UNC5D: variants seen among roughly 807,000 people sequenced by gnomAD.
The protein encoded by UNC5D is unc-5 netrin receptor D.
Under a neutral mutation model 105.4 loss-of-function variants are expected in UNC5D, and 39 were observed. The ratio of observed to expected loss-of-function variants is 0.37; its 90% CI spans 0.29 to 0.48. UNC5D has a LOEUF of 0.48. Ranked by LOEUF, UNC5D falls within the 20% of genes least tolerant of loss-of-function variation. The pLI is 0.98. For missense variants in UNC5D, 991 were observed against 1,202.4 expected, an observed-to-expected ratio of 0.82 and a Z score of 2.60; for synonymous variants, 452 against 450.4, an observed-to-expected ratio of 1.00 and a Z score of -0.04.
At position 35,722,325 on chromosome 8, in the gene UNC5D, C is replaced by T. The variant is rs577473098; in HGVS notation, c.1233C>T (p.Gly411=). ...ACAGACGGAGCCAGAGTGACTATGG[C>T]GTGGACGTCATTGACTCTTCTGCAT... ...TLYRRSQSDY[G]VDVIDSSALT... is the part of the protein sequence containing the mutation. Residue 411 remains glycine (G), a synonymous_variant, in exon 9 of 17, where the codon GGC becomes GGT. Coordinates refer to ENST00000404895, the MANE Select transcript of UNC5D (RefSeq NM_080872.4). The T allele has an allele frequency of 3.5e-5, 56 of 1,614,110 alleles. 1 individual carries two copies. In the South Asian group the frequency reaches 5.2e-4, roughly 15 times the overall value.
In UNC5D at chr8:35,717,176, C is replaced by T. The variant is rs557086793; in HGVS notation, c.1118-5034C>T. Among the ~76,000 whole-genome samples, 54 of 152,316 alleles carry T rather than the reference C, an allele frequency of 3.5e-4. 2 individuals are homozygous for T. The South Asian group carries it at 9.1e-3, about 26-fold the overall frequency. ...TGGGAGCAATGGCATTCTGCAATAT[C>T]CAATGGGAGATAAAACAGAATATCA... On this transcript the variant is annotated intron_variant, in intron 8 of 16. Coordinates refer to ENST00000404895, the MANE Select transcript of UNC5D (RefSeq NM_080872.4).
chr8:35,429,133 G>T (rs1463132354), intron 1 of UNC5D, among the ~76,000 whole-genome samples: 1 of 152,086 alleles, frequency 6.6e-6, no homozygotes, highest in Non-Finnish European at 1.5e-5. Flanking sequence ...TTAATTGTCA[G>T]CATGAAAATG....
At chr8:35,394,845 T>A (rs1804000066) in intron 1 of UNC5D, among the ~76,000 whole-genome samples, 1 of 152,172 alleles carries the variant, frequency 6.6e-6, no homozygotes, top group Non-Finnish European at 1.5e-5. Flanking sequence ...TCAGGTCGTG[T>A]TAGTAGTGAG....
intron 16 of UNC5D, among the ~76,000 whole-genome samples, chr8:35,790,057 T>C (rs971309696): frequency 1.3e-5 from 2 of 152,106 alleles, no homozygotes; most frequent in African/African-American, 2.4e-5. Flanking sequence ...AAGGCTGCAG[T>C]GAGCTGTGAC....
At chr8:35,368,052 G>A (rs1345029930) in intron 1 of UNC5D, among the ~76,000 whole-genome samples, 1 of 152,136 alleles carries the variant, frequency 6.6e-6, no homozygotes, top group East Asian at 1.9e-4. Context: ...AGCGCATGGT[G>A]AAGCAAAACA....
chr8:35,642,830 A>G (rs1179339922), intron 4 of UNC5D, among the ~76,000 whole-genome samples: 1 of 152,192 alleles, frequency 6.6e-6, no homozygotes, highest in Non-Finnish European at 1.5e-5. Flanking sequence ...AGCACACAGT[A>G]AGATGCAATT....
intron 4 of UNC5D, among the ~76,000 whole-genome samples, chr8:35,625,770 G>A (rs1428827582): frequency 6.6e-6 from 1 of 152,130 alleles, no homozygotes; most frequent in Non-Finnish European, 1.5e-5. Context: ...TACTTTTAAG[G>A]AACATTAGTT....
chr8:35,525,855 G>T, intron 1 of UNC5D: 1 of 1,276,158 alleles, frequency 7.8e-7, no homozygotes, highest in Non-Finnish European at 1.1e-6. Flanking sequence ...TTTAGTCATA[G>T]TAAAATCCAG....
chr8:35,275,339 C>G (rs1805702961), intron 1 of UNC5D, among the ~76,000 whole-genome samples: 2 of 151,688 alleles, frequency 1.3e-5, no homozygotes, highest in Non-Finnish European at 2.9e-5. Flanking sequence ...ATATCACCAT[C>G]TGTTATAAAT....
At position 35,770,482 on chromosome 8, in the gene UNC5D, T is replaced by C. The variant is rs142500024; in HGVS notation, c.2478+3416T>C. Among the ~76,000 whole-genome samples, 1,410 of 152,288 alleles carry C rather than the reference T, an allele frequency of 9.3e-3. 12 individuals carry two copies. The highest frequency in any genetic ancestry group is 0.014 in the Non-Finnish European group (943 of 68,018). ...AGTTATTTTTCTGACCAAGATAATA[T>C]ATCTGTTTTACTCTTTAGTGTGGTC... On this transcript the variant is annotated intron_variant, in intron 15 of 16. Transcript: ENST00000404895.
At chr8:35,338,062 C>G (rs1020177974) in intron 1 of UNC5D, among the ~76,000 whole-genome samples, 3 of 152,118 alleles carry the variant, frequency 2.0e-5, no homozygotes, top group Non-Finnish European at 4.4e-5. Flanking sequence ...CAAAATGAAG[C>G]CTTGCAACTT....
At chr8:35,498,364 G>A (rs1486961279) in intron 1 of UNC5D, among the ~76,000 whole-genome samples, 1 of 152,038 alleles carries the variant, frequency 6.6e-6, no homozygotes, top group African/African-American at 2.4e-5. Flanking sequence ...CCATCCTTCT[G>A]TGAAGAAGAG....
At chr8:35,681,984 G>A (rs1160011264) in intron 4 of UNC5D, among the ~76,000 whole-genome samples, 6 of 151,464 alleles carry the variant, frequency 4.0e-5, no homozygotes, top group South Asian at 2.1e-4. Context: ...GGGGAGGGGC[G>A]GACGGAGTCT....
In UNC5D at chr8:35,263,938, A is replaced by C. The variant is rs534586471; in HGVS notation, c.103+28051A>C. On this transcript the variant is annotated intron_variant, in intron 1 of 16. Coordinates refer to ENST00000404895, the MANE Select transcript of UNC5D (RefSeq NM_080872.4). ...AATAGTATAAAATTGTCACAAGTTT[A>C]TCAGAAAATAATGCACTCATGATTT... 1.5e-3 allele frequency among the ~76,000 whole-genome samples: 228 copies of C among 152,386 alleles called. 2 individuals are homozygous for C. The highest frequency in any genetic ancestry group is 5.4e-3 in the African/African-American group (225 of 41,598).
intron 14 of UNC5D, among the ~76,000 whole-genome samples, chr8:35,763,121 CT>C (rs1801616184): frequency 6.6e-6 from 1 of 152,134 alleles, no homozygotes; most frequent in South Asian, 2.1e-4. Flanking sequence ...AATCACGGTG[CT>C]TCTAATTCTA....
At chr8:35,298,914 G>A (rs1212614856) in intron 1 of UNC5D, among the ~76,000 whole-genome samples, 1 of 152,184 alleles carries the variant, frequency 6.6e-6, no homozygotes. Context: ...TGAATAAAGG[G>A]TAATGTTATT....
At chr8:35,558,586 A>G (rs1816716861) in intron 2 of UNC5D, among the ~76,000 whole-genome samples, 1 of 152,186 alleles carries the variant, frequency 6.6e-6, no homozygotes, top group Non-Finnish European at 1.5e-5. Context: ...CACTTTTTCC[A>G]TCTGAGTAAG....
intron 1 of UNC5D, among the ~76,000 whole-genome samples, chr8:35,379,812 C>T (rs1427019482): frequency 1.3e-5 from 2 of 152,034 alleles, no homozygotes; most frequent in African/African-American, 4.8e-5. Context: ...CTAGCTTTGC[C>T]TTTCCTAGTA....
At chr8:35,283,459 G>A (rs1261784616) in intron 1 of UNC5D, among the ~76,000 whole-genome samples, 3 of 152,048 alleles carry the variant, frequency 2.0e-5, no homozygotes, top group Non-Finnish European at 4.4e-5. Flanking sequence ...CACCTGCGGA[G>A]CTTTAAAAAT....
Sources: allele counts gnomAD v4.1 joint callset (sites outside exome capture counted in the v4.1 genomes callset), GRCh38; gene constraint gnomAD v4.1.1; transcripts MANE v1.5; gene names NCBI Gene and HGNC (gene_info 2026-07-23, HGNC 2026-07-21).